Variants in NLGN1 observed in about 807,000 individuals in gnomAD.
The protein encoded by NLGN1 is neuroligin 1.
A neutral mutation model predicts 65.5 loss-of-function variants in NLGN1; 12 were observed. The observed-to-expected ratio is 0.18, with a 90% confidence interval of 0.12 to 0.30. The LOEUF (loss-of-function observed/expected upper bound fraction) is 0.30. NLGN1 is among the 10% of genes least tolerant of loss of function. The probability of loss-of-function intolerance (pLI) is 1.00; values close to 1 mark genes in which losing one functional copy is unlikely to be tolerated. For synonymous variants in NLGN1, 350 were observed against 359.5 expected (o/e 0.97, Z 0.30); for missense variants, 750 against 1,007.1 (o/e 0.74, Z 3.46).
chr3:174,052,328 A>G (rs1413376619), intron 4 of NLGN1, among the ~76,000 whole-genome samples: 2 of 152,034 alleles, frequency 1.3e-5, no homozygotes, highest in Non-Finnish European at 2.9e-5. Flanking sequence ...CTTTTTTTAT[A>G]AGAATATTAA....
intron 3 of NLGN1, among the ~76,000 whole-genome samples, chr3:173,642,190 A>G (rs1299969926): frequency 6.6e-6 from 1 of 152,208 alleles, no homozygotes; most frequent in East Asian, 1.9e-4. Context: ...AGGAGTTCCA[A>G]TACAATGGAT....
At chr3:173,647,939 A>T (rs1366958234) in intron 3 of NLGN1, among the ~76,000 whole-genome samples, 1 of 152,160 alleles carries the variant, frequency 6.6e-6, no homozygotes, top group Non-Finnish European at 1.5e-5. Flanking sequence ...TGAACAAAAG[A>T]GGCACTATTA....
chr3:173,724,031 C>T (rs185208558), intron 3 of NLGN1, among the ~76,000 whole-genome samples: 12 of 152,206 alleles, frequency 7.9e-5, no homozygotes, highest in African/African-American at 1.4e-4. Context: ...GGGAAGACTG[C>T]GCACAGATGG....
At chr3:173,420,749 G>C (rs536049494) in intron 1 of NLGN1, among the ~76,000 whole-genome samples, 1 of 152,026 alleles carries the variant, frequency 6.6e-6, no homozygotes, top group Admixed American at 6.5e-5. Flanking sequence ...TTCTTCTTCC[G>C]GTGTGGCCCA....
chr3:174,245,254 T>C (rs971873638), intron 4 of NLGN1, among the ~76,000 whole-genome samples: 1 of 152,132 alleles, frequency 6.6e-6, no homozygotes, highest in African/African-American at 2.4e-5. Context: ...CTTTGTAATT[T>C]TTAGTTCAAA....
chr3:173,498,054 A>AT (rs961651774), intron 2 of NLGN1, among the ~76,000 whole-genome samples: 9 of 150,508 alleles, frequency 6.0e-5, no homozygotes, highest in South Asian at 2.1e-4. Context: ...GAGTAGGTTC[A>AT]TTTTTTTTTA....
At chr3:173,785,465 A>G (rs1781803208) in intron 3 of NLGN1, among the ~76,000 whole-genome samples, 1 of 152,164 alleles carries the variant, frequency 6.6e-6, no homozygotes, top group South Asian at 2.1e-4. Context: ...GTTTTACTAA[A>G]GTCTGATATA....
At chr3:174,287,807 T>C (rs532538609), downstream of NLGN1, among the ~76,000 whole-genome samples, 33 of 151,622 alleles carry the variant, frequency 2.2e-4, no homozygotes, top group African/African-American at 7.7e-4. Flanking sequence ...AGTTATGACC[T>C]CTTCTCCAAG....
chr3:173,974,871 G>C (rs1717071942), intron 4 of NLGN1, among the ~76,000 whole-genome samples: 1 of 152,022 alleles, frequency 6.6e-6, no homozygotes, highest in African/African-American at 2.4e-5. Flanking sequence ...GAAACTAGAA[G>C]TAAAGCCATG....
intron 3 of NLGN1, among the ~76,000 whole-genome samples, chr3:173,798,760 T>C (rs1714739786): frequency 6.6e-6 from 1 of 152,076 alleles, no homozygotes; most frequent in South Asian, 2.1e-4. Context: ...GACCTTTCAA[T>C]TGAGGTAGTC....
chr3:173,483,292 G>A (rs1012478904), intron 2 of NLGN1, among the ~76,000 whole-genome samples: 5 of 151,934 alleles, frequency 3.3e-5, no homozygotes, highest in Non-Finnish European at 7.4e-5. Flanking sequence ...GTTACATTTT[G>A]TGACAGTCTT....
intron 4 of NLGN1, among the ~76,000 whole-genome samples, chr3:174,024,497 A>G (rs1234831650): frequency 6.6e-6 from 1 of 152,214 alleles, no homozygotes; most frequent in Non-Finnish European, 1.5e-5. Context: ...ATGTGTAACA[A>G]TGCACAGAGT....
chr3:173,517,800 ATCATATCTATCTG>A (rs903761386), intron 2 of NLGN1, among the ~76,000 whole-genome samples: 13 of 150,452 alleles, frequency 8.6e-5, no homozygotes, highest in African/African-American at 3.2e-4. Flanking sequence ...CTATCTATCT[ATCATATCTATCTG>A]TCATCTATCT....
chr3:173,958,054 T>C (rs939385415), intron 4 of NLGN1, among the ~76,000 whole-genome samples: 2 of 152,202 alleles, frequency 1.3e-5, no homozygotes, highest in African/African-American at 2.4e-5. Context: ...CACCAGAAGC[T>C]TGGAGACACC....
chr3:173,847,530 T>A (rs1470509012), intron 4 of NLGN1, among the ~76,000 whole-genome samples: 1 of 152,204 alleles, frequency 6.6e-6, no homozygotes. Flanking sequence ...GAGAAGTTTT[T>A]AAAAAGCTGT....
chr3:174,011,729 A>G (rs1725589720), intron 4 of NLGN1, among the ~76,000 whole-genome samples: 1 of 152,114 alleles, frequency 6.6e-6, no homozygotes, highest in African/African-American at 2.4e-5. Context: ...CTACCTTCAG[A>G]GTTATTGTAA....
intron 4 of NLGN1, among the ~76,000 whole-genome samples, chr3:174,041,009 T>A (rs973289149): frequency 6.6e-6 from 1 of 152,132 alleles, no homozygotes; most frequent in Non-Finnish European, 1.5e-5. Flanking sequence ...TATACATATA[T>A]ATGTGTATGC....
At chr3:173,749,421 G>A (rs1217863085) in intron 3 of NLGN1, among the ~76,000 whole-genome samples, 2 of 152,136 alleles carry the variant, frequency 1.3e-5, no homozygotes, top group African/African-American at 4.8e-5. Flanking sequence ...AAATAATCTT[G>A]AAGATACTCT....
intron 4 of NLGN1, among the ~76,000 whole-genome samples, chr3:174,116,258 T>C (rs890318752): frequency 6.6e-6 from 1 of 151,438 alleles, no homozygotes; most frequent in African/African-American, 2.4e-5. Flanking sequence ...ATCACTATCA[T>C]CTTACATTTA....
Sources: gnomAD v4.1 joint callset for allele counts (sites outside exome capture counted in the v4.1 genomes callset) on GRCh38, gnomAD v4.1.1 for gene constraint, MANE v1.5 for transcripts, NCBI Gene and HGNC (gene_info 2026-07-23, HGNC 2026-07-21) for gene names.